The following CALD1 variants were observed in gnomAD, a reference collection of about 807,000 sequenced individuals.
CALD1 encodes caldesmon 1.
Under a neutral mutation model 99.9 loss-of-function variants are expected in CALD1, and 33 were observed. The ratio of observed to expected loss-of-function variants is 0.33; its 90% CI spans 0.25 to 0.44. CALD1 has a LOEUF of 0.44. Among genes scored for constraint, CALD1 ranks in the 20% least tolerant of loss-of-function variants. CALD1 has a pLI of 1.00. For synonymous variants in CALD1, 310 were observed against 325.0 expected (o/e 0.95, Z 0.50); for missense variants, 861 against 962.1 (o/e 0.89, Z 1.39).
At chr7:134,919,366 G>C (rs1804447142) in intron 3 of CALD1, among the ~76,000 whole-genome samples, 2 of 152,148 alleles carry the variant, frequency 1.3e-5, no homozygotes, top group African/African-American at 2.4e-5. Flanking sequence ...GACTGCTATG[G>C]TATGTGTAGA....
chr7:134,826,864 A>G (rs1799019708), intron 1 of CALD1, among the ~76,000 whole-genome samples: 2 of 152,098 alleles, frequency 1.3e-5, no homozygotes, highest in Non-Finnish European at 2.9e-5. Flanking sequence ...TCCTCAGTCC[A>G]ACCTCTACCT....
intron 3 of CALD1, among the ~76,000 whole-genome samples, chr7:134,895,306 G>A (rs867235783): frequency 1.8e-5 from 2 of 108,512 alleles, no homozygotes; most frequent in South Asian, 2.5e-4. Flanking sequence ...GTATGTGTGT[G>A]TGTGTGTGTG....
At chr7:134,848,315 C>A (rs940675815) in intron 2 of CALD1, among the ~76,000 whole-genome samples, 1 of 152,146 alleles carries the variant, frequency 6.6e-6, no homozygotes, top group Non-Finnish European at 1.5e-5. Flanking sequence ...CCATCACGCA[C>A]TCTAACACCA....
chr7:134,845,383 T>C (rs1407934525), intron 2 of CALD1, among the ~76,000 whole-genome samples: 1 of 152,208 alleles, frequency 6.6e-6, no homozygotes, highest in Non-Finnish European at 1.5e-5. Flanking sequence ...TTAAAGATGC[T>C]TTCTCCTCAC....
chr7:134,821,547 A>G (rs1171470938), intron 1 of CALD1, among the ~76,000 whole-genome samples: 1 of 150,530 alleles, frequency 6.6e-6, no homozygotes, highest in South Asian at 2.1e-4. Context: ...TGTTCTTTAT[A>G]CTTTTTTGGG....
chr7:134,815,486 A>C, intron 1 of CALD1, among the ~76,000 whole-genome samples: 1 of 151,506 alleles, frequency 6.6e-6, no homozygotes, highest in African/African-American at 2.4e-5. Flanking sequence ...GGTACATGTC[A>C]CTCTTGCTTT....
chr7:134,794,609 C>A (rs1178049009), intron 1 of CALD1, among the ~76,000 whole-genome samples: 1 of 152,156 alleles, frequency 6.6e-6, no homozygotes, highest in African/African-American at 2.4e-5. Flanking sequence ...GCCTCAGCCT[C>A]CCAAGTAGCT....
chr7:134,711,660 C>CTCTA, the CALD1 span, among the ~76,000 whole-genome samples: 154 of 78,286 alleles, frequency 2.0e-3, 3 homozygotes, highest in South Asian at 7.2e-3. Flanking sequence ...CTCTCTCTCT[C>CTCTA]TATATATATA....
rs1355914979 is a variant in CALD1 at position 134,797,087 on chromosome 7, C to T, written c.-130+17338C>T. ...TCGCCCAGGCTTGAATGCAGTGGCG[C>T]GATCACAGCTCACGGTAGCCTCAGC... On this transcript the variant is annotated intron_variant, in intron 1 of 14. Transcript: ENST00000361675. Among the ~76,000 whole-genome samples the T allele has an allele frequency of 8.6e-5, 13 of 152,000 alleles. No individual in the cohort carries two copies. The South Asian group carries it at 1.7e-3, about 19-fold the overall frequency.
intron 1 of CALD1, among the ~76,000 whole-genome samples, chr7:134,767,658 A>C (rs1477765240): frequency 6.6e-6 from 1 of 152,232 alleles, no homozygotes. Context: ...CTTGAGCATG[A>C]ACGGGAAGAG....
the CALD1 span, among the ~76,000 whole-genome samples, chr7:134,718,537 A>G: frequency 6.6e-6 from 1 of 152,138 alleles, no homozygotes; most frequent in Non-Finnish European, 1.5e-5. Flanking sequence ...ATTTAATGGG[A>G]AAAAAATGTT....
At chr7:134,862,024 AG>A (rs1800584554) in intron 2 of CALD1, among the ~76,000 whole-genome samples, 1 of 152,260 alleles carries the variant, frequency 6.6e-6, no homozygotes, top group African/African-American at 2.4e-5. Context: ...ATAAATTAAC[AG>A]AGATGAAATA....
chr7:134,962,428 CCTA>C (rs1208962761), intron 13 of CALD1: 1 of 150,658 alleles, frequency 6.6e-6, no homozygotes, highest in East Asian at 1.9e-4. Flanking sequence ...GCCTGCTTTA[CCTA>C]CTAATTAGTA....
chr7:134,800,185 A>T (rs1797890234), intron 1 of CALD1, among the ~76,000 whole-genome samples: 1 of 152,186 alleles, frequency 6.6e-6, no homozygotes. Flanking sequence ...TTTAATACAA[A>T]TGTTTTGATT....
intron 3 of CALD1, among the ~76,000 whole-genome samples, chr7:134,897,579 CT>C (rs1337561441): frequency 5.9e-5 from 9 of 152,068 alleles, no homozygotes; most frequent in African/African-American, 2.2e-4. Context: ...ATCACATGAC[CT>C]TGGTATCTCT....
chr7:134,810,445 TTAG>T (rs1798309819), intron 1 of CALD1, among the ~76,000 whole-genome samples: 1 of 152,218 alleles, frequency 6.6e-6, no homozygotes, highest in Non-Finnish European at 1.5e-5. Context: ...GAGCTCACTA[TTAG>T]TAGGGTACAT....
intron 3 of CALD1, among the ~76,000 whole-genome samples, chr7:134,910,894 G>A (rs1803755340): frequency 6.6e-6 from 1 of 152,154 alleles, no homozygotes; most frequent in Admixed American, 6.6e-5. Context: ...AAGTAACATG[G>A]GAATGAGAAG....
At chr7:134,815,502 T>A (rs1421141297) in intron 1 of CALD1, among the ~76,000 whole-genome samples, 1 of 152,144 alleles carries the variant, frequency 6.6e-6, no homozygotes, top group Non-Finnish European at 1.5e-5. Flanking sequence ...GCTTTGTGAA[T>A]ATTTACTAAA....
At chr7:134,726,444 T>G in the CALD1 span, among the ~76,000 whole-genome samples, 25 of 35,166 alleles carry the variant, frequency 7.1e-4, no homozygotes, top group African/African-American at 1.3e-3. Flanking sequence ...TATAGCTTTA[T>G]ATATATAATA....
Sources: gnomAD v4.1 joint callset for allele counts (sites outside exome capture counted in the v4.1 genomes callset) on GRCh38, gnomAD v4.1.1 for gene constraint, MANE v1.5 for transcripts, NCBI Gene and HGNC (gene_info 2026-07-23, HGNC 2026-07-21) for gene names.